The following GPC5 variants were observed in gnomAD, a reference collection of about 807,000 sequenced individuals.
The protein encoded by GPC5 is glypican 5.
A neutral mutation model predicts 53.9 loss-of-function variants in GPC5; 47 were observed. The ratio of observed to expected loss-of-function variants is 0.87; its 90% confidence interval spans 0.69 to 1.11. GPC5 has a LOEUF of 1.11. Among genes scored for constraint, GPC5 ranks in the 50% most tolerant of loss-of-function variants. The pLI is 0.00. For missense variants in GPC5, 748 were observed against 713.1 expected (o/e 1.05, Z -0.56); for synonymous variants, 286 against 263.3 (o/e 1.09, Z -0.84).
intron 7 of GPC5, among the ~76,000 whole-genome samples, chr13:92,521,807 G>C (rs187620531): frequency 0.014 from 2,109 of 152,192 alleles, 17 homozygotes; most frequent in Middle Eastern, 0.017. Context: ...AGCTTCTGCA[G>C]AGCAAAAGAA....
intron 5 of GPC5, among the ~76,000 whole-genome samples, chr13:91,802,234 G>A (rs188094071): frequency 1.2e-4 from 18 of 151,882 alleles, no homozygotes; most frequent in South Asian, 8.3e-4. Flanking sequence ...AAATGTGTCC[G>A]GAGTTTCTTC....
At chr13:91,745,885 C>G (rs16946681) in intron 4 of GPC5, among the ~76,000 whole-genome samples, 10,620 of 152,228 alleles carry the variant, frequency 0.07, 379 homozygotes, top group African/African-American at 0.095. Flanking sequence ...CTTCCATTCT[C>G]CATCCGACTA....
Position 91,611,307 on chromosome 13 carries a change from T to A in GPC5, c.326-81880T>A, listed in dbSNP as rs2033541682. ...TAACAACTCTCGGAGTGGTCAAGGC[T>A]GTTAGGCATATATGACAACAATGTT... is the stretch of plus-strand genomic sequence containing the variant. On this transcript the variant is annotated intron_variant, in intron 2 of 7. Coordinates refer to ENST00000377067, the MANE Select transcript of GPC5 (RefSeq NM_004466.6). 2.0e-5 allele frequency among the ~76,000 whole-genome samples: 3 copies of A among 152,224 alleles called. No individual in the cohort carries two copies. The South Asian group carries it at 6.2e-4, about 32-fold the overall frequency.
intron 7 of GPC5, among the ~76,000 whole-genome samples, chr13:92,505,822 C>T (rs1228277218): frequency 6.6e-6 from 1 of 152,088 alleles, no homozygotes; most frequent in African/African-American, 2.4e-5. Context: ...TTACATCAAA[C>T]TCGAAGGCTT....
chr13:92,274,930 G>A (rs1312334472), intron 7 of GPC5, among the ~76,000 whole-genome samples: 1 of 152,022 alleles, frequency 6.6e-6, no homozygotes, highest in Non-Finnish European at 1.5e-5. Context: ...TAGTGCCTGG[G>A]ACAGCTGTAG....
intron 7 of GPC5, among the ~76,000 whole-genome samples, chr13:92,487,675 G>A (rs920930856): frequency 6.6e-6 from 1 of 152,002 alleles, no homozygotes; most frequent in African/African-American, 2.4e-5. Context: ...CTTGAAATTA[G>A]TTACTACACT....
chr13:91,905,625 A>G (rs1227519932), intron 5 of GPC5, among the ~76,000 whole-genome samples: 1 of 152,136 alleles, frequency 6.6e-6, no homozygotes, highest in Non-Finnish European at 1.5e-5. Flanking sequence ...CACTGGAAGT[A>G]TATTATCTCA....
At chr13:91,468,189 C>T (rs899079003) in intron 2 of GPC5, among the ~76,000 whole-genome samples, 1 of 152,032 alleles carries the variant, frequency 6.6e-6, no homozygotes, top group Admixed American at 6.6e-5. Context: ...GTGGCCATGC[C>T]TCATATTGAG....
chr13:91,719,696 G>C (rs1172246330), intron 3 of GPC5, among the ~76,000 whole-genome samples: 1 of 152,160 alleles, frequency 6.6e-6, no homozygotes, highest in African/African-American at 2.4e-5. Flanking sequence ...GAAAAAGACA[G>C]CTAATATAAA....
intron 2 of GPC5, among the ~76,000 whole-genome samples, chr13:91,512,186 C>T (rs896467264): frequency 6.6e-6 from 1 of 152,166 alleles, no homozygotes; most frequent in Non-Finnish European, 1.5e-5. Flanking sequence ...TGTTTTACAT[C>T]GAAACTACCA....
chr13:91,612,228 T>C (rs886713170), intron 2 of GPC5, among the ~76,000 whole-genome samples: 2 of 152,194 alleles, frequency 1.3e-5, no homozygotes, highest in African/African-American at 4.8e-5. Flanking sequence ...GTGACTGTGA[T>C]AATATGAAGA....
chr13:91,754,915 A>G (rs1329550103), intron 4 of GPC5, among the ~76,000 whole-genome samples: 2 of 152,114 alleles, frequency 1.3e-5, no homozygotes, highest in African/African-American at 4.8e-5. Flanking sequence ...CCACTTTATC[A>G]CTTATCTGGT....
intron 7 of GPC5, among the ~76,000 whole-genome samples, chr13:92,429,912 A>G (rs1877010480): frequency 6.6e-6 from 1 of 152,134 alleles, no homozygotes. Flanking sequence ...CTATTGTACA[A>G]CATGGTGACT....
intron 7 of GPC5, among the ~76,000 whole-genome samples, chr13:92,403,293 T>C (rs1269775130): frequency 6.6e-6 from 1 of 152,126 alleles, no homozygotes; most frequent in Non-Finnish European, 1.5e-5. Context: ...TTAAGTACTA[T>C]AAAAGCAACT....
At chr13:91,846,026 C>A (rs907872162) in intron 5 of GPC5, among the ~76,000 whole-genome samples, 1 of 152,088 alleles carries the variant, frequency 6.6e-6, no homozygotes, top group African/African-American at 2.4e-5. Flanking sequence ...ATTCCATTTT[C>A]TTTCCTTTTG....
chr13:91,895,241 T>C (rs2039429229), intron 5 of GPC5, among the ~76,000 whole-genome samples: 1 of 152,100 alleles, frequency 6.6e-6, no homozygotes, highest in Admixed American at 6.5e-5. Context: ...CTGGACACCA[T>C]TTATGACAAG....
chr13:91,932,054 G>C (rs186915449), intron 6 of GPC5, among the ~76,000 whole-genome samples: 2,241 of 152,016 alleles, frequency 0.015, 43 homozygotes, highest in African/African-American at 0.052. Flanking sequence ...AAGCAAAAAA[G>C]TCCACTGATC....
intron 1 of GPC5, among the ~76,000 whole-genome samples, chr13:91,434,080 T>C (rs1358794786): frequency 8.5e-5 from 13 of 152,084 alleles, no homozygotes; most frequent in African/African-American, 1.9e-4. Flanking sequence ...TGTTGGAGTT[T>C]GTTGTAGATT....
At chr13:92,721,555 A>C (rs1214046573) in intron 7 of GPC5, 1 of 152,084 alleles carries the variant, frequency 6.6e-6, no homozygotes, top group Non-Finnish European at 1.5e-5. Flanking sequence ...GCTGTCAGAC[A>C]GTCACTGTTC....
Sources: allele counts gnomAD v4.1 joint callset (sites outside exome capture counted in the v4.1 genomes callset), GRCh38; gene constraint gnomAD v4.1.1; transcripts MANE v1.5; gene names NCBI Gene and HGNC (gene_info 2026-07-23, HGNC 2026-07-21).